Variants in FAT4 observed in about 807,000 individuals in gnomAD.
FAT4 encodes FAT atypical cadherin 4, also known as protocadherin Fat 4.
Under a neutral mutation model 303.9 loss-of-function variants are expected in FAT4, and 84 were observed. The ratio of observed to expected loss-of-function variants is 0.28; its 90% confidence interval spans 0.23 to 0.33. The LOEUF (loss-of-function observed/expected upper bound fraction) is 0.33. Ranked by LOEUF, FAT4 falls within the 10% of genes least tolerant of loss-of-function variation. FAT4 has a pLI of 1.00. For synonymous variants in FAT4, 2,307 were observed against 2,298.8 expected (o/e 1.00, Z -0.10); for missense variants, 6,005 against 6,146.8 (o/e 0.98, Z 0.77).
chr4:125,330,390 G>T (rs1303092547), intron 2 of FAT4, among the ~76,000 whole-genome samples: 1 of 152,126 alleles, frequency 6.6e-6, no homozygotes, highest in African/African-American at 2.4e-5. Flanking sequence ...CTCCTCACAT[G>T]TTAAATGTTG....
chr4:125,415,853 C>T, intron 6 of FAT4, 47 bp downstream of exon 6: 1 of 1,427,118 alleles, frequency 7.0e-7, no homozygotes, highest in South Asian at 1.3e-5. Context: ...TATAAGACAT[C>T]TATTTGAAAA....
At chr4:125,404,049 C>G (rs139811922) in intron 3 of FAT4, among the ~76,000 whole-genome samples, 243 of 152,216 alleles carry the variant, frequency 1.6e-3, no homozygotes, top group African/African-American at 5.4e-3. Context: ...TTGATGTGCT[C>G]AAGGTGGCGT....
chr4:125,402,466 C>T lies in FAT4; in HGVS notation c.5307+3551C>T, dbSNP rs547039254. 9.2e-5 allele frequency among the ~76,000 whole-genome samples: 14 copies of T among 151,994 alleles called. No homozygotes were observed. The South Asian group carries it at 1.0e-3, about 11-fold the overall frequency. On this transcript the variant is annotated intron_variant, in intron 3 of 17. Coordinates refer to ENST00000394329, the MANE Select transcript of FAT4 (RefSeq NM_001291303.3). ...TTAAACCATAAAATTACAATAAATACGTTAGATATTCAATGTACACCTGAA... is the reference window on the plus strand; with the variant it reads ...TTAAACCATAAAATTACAATAAATATGTTAGATATTCAATGTACACCTGAA...
At chr4:125,422,400 G>C (rs1724934622) in intron 7 of FAT4, among the ~76,000 whole-genome samples, 1 of 152,164 alleles carries the variant, frequency 6.6e-6, no homozygotes, top group South Asian at 2.1e-4. Flanking sequence ...CATGTGTCAT[G>C]GGAGGGACCT....
At chr4:125,461,544 A>G (rs1284507957) in intron 10 of FAT4, among the ~76,000 whole-genome samples, 1 of 152,014 alleles carries the variant, frequency 6.6e-6, no homozygotes, top group East Asian at 1.9e-4. Context: ...TAACAAGGCT[A>G]TATTGAACAC....
intron 2 of FAT4, among the ~76,000 whole-genome samples, chr4:125,368,522 G>A (rs201940376): frequency 3.0e-5 from 4 of 133,796 alleles, no homozygotes; most frequent in South Asian, 2.3e-4. Flanking sequence ...TTATATATAT[G>A]TATATATATA....
rs144988115 is a variant in FAT4, at chr4:125,454,901, T to C, written c.11800+2091T>C. 9.8e-4 allele frequency among the ~76,000 whole-genome samples: 149 copies of C among 152,254 alleles called. 1 individual carries two copies. The East Asian group carries it at 0.016, about 16-fold the overall frequency. ...TCAGTAATTGCAGTCTAATTAGTAG[T>C]AGTAATAATGGTATTAGTATAGTGG... On this transcript the variant is annotated intron_variant, in intron 10 of 17. Transcript: ENST00000394329.
intron 4 of FAT4, among the ~76,000 whole-genome samples, chr4:125,407,474 A>G (rs984460623): frequency 7.8e-5 from 4 of 51,182 alleles, no homozygotes; most frequent in Non-Finnish European, 1.5e-4. Context: ...TATAAAAAGA[A>G]CAGCAAAAAA....
rs760841511 is a variant in FAT4, at chr4:125,316,439, G to A, written c.28G>A (p.Gly10Ser). ...GGACTTAGCACCAGACAGGGCTACT[G>A]GCCGCCCGTGGCTCCCGTTGCACAC... MDLAPDRAT[G>S]RPWLPLHTLS... The change falls in exon 2 of 18, where the codon GGC (glycine) becomes AGC (serine). Residue 10 changes from glycine to serine, a missense_variant. Coordinates refer to ENST00000394329, the MANE Select transcript of FAT4 (RefSeq NM_001291303.3). This position sits in a 1 kb window ranked among gnomAD's most constrained non-coding sequence, Gnocchi z 5.7. 2 of 1,612,970 alleles carry A rather than the reference G, an allele frequency of 1.2e-6. No homozygotes were observed. Among genetic ancestry groups the A allele is most frequent in the Non-Finnish European group, 1.7e-6 (2 of 1,179,394 alleles).
At chr4:125,463,883 G>A (rs1726567836) in intron 11 of FAT4, among the ~76,000 whole-genome samples, 1 of 152,080 alleles carries the variant, frequency 6.6e-6, no homozygotes. Context: ...GTCAACTCAA[G>A]ATAATTGAAT....
At chr4:125,478,400 A>AT (rs1000069747) in intron 14 of FAT4, among the ~76,000 whole-genome samples, 32 of 150,412 alleles carry the variant, frequency 2.1e-4, no homozygotes, top group Admixed American at 6.0e-4. Flanking sequence ...TTAAATATCA[A>AT]TTTTTTTTTT....
At chr4:125,421,676 A>C (rs1312867667) in intron 7 of FAT4, among the ~76,000 whole-genome samples, 1 of 152,164 alleles carries the variant, frequency 6.6e-6, no homozygotes, top group Non-Finnish European at 1.5e-5. Flanking sequence ...ATATGAAAAA[A>C]TTCTAAGTTA....
In FAT4 at chr4:125,434,269, G is replaced by T. The variant is rs1419249521; in HGVS notation, c.7043G>T (p.Gly2348Val). Residue 2348 changes from glycine to valine, a missense_variant, in exon 8 of 18, where the codon GGA becomes GTA. By Grantham distance (109) the Gly-to-Val change is moderately radical. Coordinates refer to ENST00000394329, the MANE Select transcript of FAT4 (RefSeq NM_001291303.3). ...DSGSPALTGT[G>V]TINVIVDDVN... ...GGATCCCCTGCCTTGACTGGAACTG[G>T]AACAATCAACGTCATAGTAGATGAT... 6.2e-7 allele frequency: 1 copy of T among 1,613,280 alleles called. No homozygotes were observed. Among genetic ancestry groups the T allele is most frequent in the Non-Finnish European group, 8.5e-7 (1 of 1,179,572 alleles).
chr4:125,383,432 T>G (rs1733614382), intron 2 of FAT4, among the ~76,000 whole-genome samples: 1 of 152,124 alleles, frequency 6.6e-6, no homozygotes, highest in Non-Finnish European at 1.5e-5. Context: ...CACACAATAT[T>G]TATCCATCCA....
intron 2 of FAT4, among the ~76,000 whole-genome samples, chr4:125,341,561 T>C (rs1731796226): frequency 6.6e-6 from 1 of 152,240 alleles, no homozygotes; most frequent in South Asian, 2.1e-4. Context: ...ATTCATCATA[T>C]GCTGAACATC....
chr4:125,360,687 T>C (rs2125984607), intron 2 of FAT4, among the ~76,000 whole-genome samples: 1 of 152,206 alleles, frequency 6.6e-6, no homozygotes, highest in Admixed American at 6.6e-5. Context: ...ATAATACATA[T>C]GCACTTAATT....
rs1275871205 is a variant in FAT4, at chr4:125,318,498, C to G, written c.2087C>G (p.Ala696Gly). ...GTCTTCTACCCGGTCCAATACTTTG[C>G]TCACATTAAGGAGAATGAGCCTGGA... ...SPVFYPVQYF[A>G]HIKENEPGGS... is the part of the protein sequence containing the mutation. The change falls in exon 2 of 18, where the codon GCT (alanine) becomes GGT (glycine). Residue 696 changes from alanine to glycine, a missense_variant. Transcript: ENST00000394329. 1 of 1,614,062 alleles carries G rather than the reference C, an allele frequency of 6.2e-7. No homozygotes were observed. The highest frequency in any genetic ancestry group is 1.3e-5 in the African/African-American group (1 of 74,916).
intron 17 of FAT4, among the ~76,000 whole-genome samples, chr4:125,489,184 C>T (rs1003799324): frequency 3.3e-5 from 5 of 152,170 alleles, no homozygotes; most frequent in Non-Finnish European, 7.4e-5. Context: ...TTTGTAGTGT[C>T]AAAATAGATT....
At chr4:125,360,750 A>C (rs1021637971) in intron 2 of FAT4, among the ~76,000 whole-genome samples, 6 of 152,038 alleles carry the variant, frequency 3.9e-5, no homozygotes, top group African/African-American at 1.4e-4. Context: ...TTAGGGGAGG[A>C]GGATGGATTG....
Sources: gnomAD v4.1 joint callset for allele counts (sites outside exome capture counted in the v4.1 genomes callset) on GRCh38, gnomAD v4.1.1 for gene constraint, Gnocchi (gnomAD v3.1) non-coding constraint, MANE v1.5 for transcripts, NCBI Gene and HGNC (gene_info 2026-07-23, HGNC 2026-07-21) for gene names.